USP50: variants seen among roughly 807,000 people sequenced by gnomAD.
USP50 encodes the protein ubiquitin carboxyl-terminal hydrolase 50.
A neutral mutation model predicts 39.2 loss-of-function variants in USP50; 37 were observed. The observed-to-expected ratio is 0.94, with a 90% confidence interval of 0.73 to 1.24. The LOEUF (loss-of-function observed/expected upper bound fraction) is 1.24. Ranked by LOEUF, USP50 falls within the 50% of genes most tolerant of loss-of-function variation. The pLI, the probability that USP50 is intolerant of heterozygous loss-of-function variation, is 0.00. For missense variants in USP50, 374 were observed against 398.2 expected (o/e 0.94, Z 0.52); for synonymous variants, 139 against 144.5 (o/e 0.96, Z 0.27).
At chr15:50,509,443 T>A (rs2052710314) in intron 6 of USP50, 1 of 152,018 alleles carries the variant, frequency 6.6e-6, no homozygotes, top group Non-Finnish European at 1.5e-5. Flanking sequence ...GTCAGGAAAT[T>A]GAGACTATCC....
intron 6 of USP50, among the ~76,000 whole-genome samples, chr15:50,523,438 G>A (rs1015697039): frequency 2.0e-5 from 3 of 151,812 alleles, no homozygotes; most frequent in African/African-American, 7.3e-5. Flanking sequence ...CTCCCAAAGC[G>A]CTGGGATTAC....
chr15:50,494,017 C>G (rs1248674297), downstream of USP50: 3 of 1,580,842 alleles, frequency 1.9e-6, no homozygotes, highest in African/African-American at 4.1e-5. Flanking sequence ...CTGTACCTTG[C>G]TTAACTTTTA....
chr15:50,519,583 C>T (rs572952238), intron 6 of USP50, among the ~76,000 whole-genome samples: 10 of 152,092 alleles, frequency 6.6e-5, no homozygotes, highest in South Asian at 4.1e-4. Flanking sequence ...GGTGCGGTGG[C>T]GGGCACCTGT....
At chr15:50,496,525 A>C (rs542175345), downstream of USP50, among the ~76,000 whole-genome samples, 155 of 152,098 alleles carry the variant, frequency 1.0e-3, 2 homozygotes, top group African/African-American at 3.5e-3. Context: ...AACTCAATAT[A>C]AATTCTGTTT....
intron 5 of USP50, among the ~76,000 whole-genome samples, chr15:50,532,441 G>A (rs543983730): frequency 6.6e-6 from 1 of 152,234 alleles, no homozygotes; most frequent in Non-Finnish European, 1.5e-5. Context: ...CAGCGCTTGT[G>A]AAGTTCGTAG....
At chr15:50,541,007 G>T in intron 4 of USP50, 42 bp downstream of exon 4, 1 of 1,485,866 alleles carries the variant, frequency 6.7e-7, no homozygotes, top group Non-Finnish European at 9.4e-7. Context: ...CCGGGGCTGA[G>T]AGTATAGCGA....
At chr15:50,518,372 C>G (rs1402126766) in intron 6 of USP50, among the ~76,000 whole-genome samples, 1 of 151,798 alleles carries the variant, frequency 6.6e-6, no homozygotes, top group Non-Finnish European at 1.5e-5. Context: ...AGGCACCCAC[C>G]ACCACGCCCG....
intron 6 of USP50, among the ~76,000 whole-genome samples, chr15:50,526,007 C>T (rs1427065481): frequency 2.0e-5 from 3 of 151,874 alleles, no homozygotes; most frequent in African/African-American, 2.4e-5. Flanking sequence ...CATCAGGAAA[C>T]GGAAGGGAGC....
At chr15:50,542,544 A>G (rs993895211) in intron 3 of USP50, among the ~76,000 whole-genome samples, 1 of 128,510 alleles carries the variant, frequency 7.8e-6, no homozygotes, top group African/African-American at 3.0e-5. Context: ...GCTGGAGTGC[A>G]GTGGCATGAT....
intron 6 of USP50, chr15:50,513,890 T>G (rs1425120112): frequency 6.6e-6 from 1 of 152,152 alleles, no homozygotes; most frequent in Non-Finnish European, 1.5e-5. Context: ...ATATGCGTAT[T>G]TCTGAACCAG....
At chr15:50,535,731 T>C (rs72740405) in intron 5 of USP50, among the ~76,000 whole-genome samples, 4,743 of 152,216 alleles carry the variant, frequency 0.031, 99 homozygotes, top group Middle Eastern at 0.092. Context: ...CTAGGCAACA[T>C]AGTGAGACAT....
downstream of USP50, chr15:50,498,966 C>T (rs763247130): frequency 2.5e-6 from 4 of 1,613,702 alleles, no homozygotes; most frequent in African/African-American, 1.3e-5. Flanking sequence ...AGCAAGACAA[C>T]GGTGGTTTAA....
downstream of USP50, chr15:50,498,637 C>T (rs1440647526): frequency 6.2e-7 from 1 of 1,612,632 alleles, no homozygotes; most frequent in Admixed American, 1.7e-5. Context: ...TTACAGACAT[C>T]TGTGGACTTC....
intron 6 of USP50, among the ~76,000 whole-genome samples, chr15:50,517,316 C>T (rs2052811389): frequency 6.6e-6 from 1 of 151,068 alleles, no homozygotes; most frequent in Non-Finnish European, 1.5e-5. Flanking sequence ...ACTAAAAATA[C>T]AAAAAATTAG....
downstream of USP50, chr15:50,498,416 C>CTTGT: frequency 2.6e-6 from 2 of 755,558 alleles, no homozygotes; most frequent in Non-Finnish European, 4.0e-6. Flanking sequence ...CCTCAGTTTT[C>CTTGT]TTGTTTGTAA....
At chr15:50,520,059 T>G (rs2052836558) in intron 6 of USP50, among the ~76,000 whole-genome samples, 2 of 151,554 alleles carry the variant, frequency 1.3e-5, no homozygotes, top group African/African-American at 4.8e-5. Flanking sequence ...ATCCCAACAT[T>G]TTTGGAAGGT....
chr15:50,518,243 CAG>C (rs1211297416), intron 6 of USP50, among the ~76,000 whole-genome samples: 3 of 143,950 alleles, frequency 2.1e-5, no homozygotes, highest in Non-Finnish European at 3.0e-5. Flanking sequence ...TTTTTTGAGA[CAG>C]AGTCTCGCTC....
chr15:50,503,576 T>G (rs2052619625), intron 6 of USP50: 1 of 152,230 alleles, frequency 6.6e-6, no homozygotes, highest in Non-Finnish European at 1.5e-5. Flanking sequence ...CACCCTCTAG[T>G]GCTTGTGTTA....
chr15:50,532,498 T>G (rs1398659338), intron 5 of USP50, among the ~76,000 whole-genome samples: 1 of 152,126 alleles, frequency 6.6e-6, no homozygotes, highest in Non-Finnish European at 1.5e-5. Context: ...CTCATAGGAT[T>G]ATGGAACGCT....
Sources: gnomAD v4.1 joint callset for allele counts (sites outside exome capture counted in the v4.1 genomes callset) on GRCh38, gnomAD v4.1.1 for gene constraint, MANE v1.5 for transcripts, NCBI Gene and HGNC (gene_info 2026-07-23, HGNC 2026-07-21) for gene names.